Variants in GARNL3 observed in about 807,000 individuals in gnomAD.
GARNL3 encodes the protein GTPase-activating Rap/Ran-GAP domain-like protein 3.
In GARNL3, 63 loss-of-function variants were observed where a neutral mutation model predicts 125.0. The observed-to-expected ratio is 0.50, with a 90% CI of 0.41 to 0.62. The LOEUF (loss-of-function observed/expected upper bound fraction) is 0.62, where lower values mean the gene tolerates loss of function less well. GARNL3 is among the 20% of genes least tolerant of loss of function. GARNL3 has a pLI of 0.00. For missense variants in GARNL3, 994 were observed against 1,244.0 expected (o/e 0.80, Z 3.02); for synonymous variants, 439 against 457.5 (o/e 0.96, Z 0.52).
At chr9:127,346,777 C>T (rs992295389) in intron 16 of GARNL3, among the ~76,000 whole-genome samples, 1 of 152,174 alleles carries the variant, frequency 6.6e-6, no homozygotes, top group Non-Finnish European at 1.5e-5. Context: ...CCAGAGCCCC[C>T]TGCTGTTCCC....
chr9:127,236,459 A>G (rs150544346), intron 1 of GARNL3, among the ~76,000 whole-genome samples: 18 of 152,340 alleles, frequency 1.2e-4, no homozygotes, highest in African/African-American at 4.3e-4. Context: ...TGTTAGAAAT[A>G]GGGTCTCTAG....
intron 1 of GARNL3, among the ~76,000 whole-genome samples, chr9:127,233,449 GGGTT>G (rs2063055467): frequency 6.6e-6 from 1 of 152,022 alleles, no homozygotes; most frequent in South Asian, 2.1e-4. Context: ...AATTGATATT[GGGTT>G]GGTAGAAAAA....
intron 21 of GARNL3, among the ~76,000 whole-genome samples, chr9:127,359,221 G>A (rs1407711028): frequency 6.6e-6 from 1 of 152,150 alleles, no homozygotes; most frequent in Non-Finnish European, 1.5e-5. Flanking sequence ...CGGGCACAGT[G>A]GCTCACACCT....
intron 2 of GARNL3, among the ~76,000 whole-genome samples, chr9:127,294,556 C>A (rs1158061966): frequency 1.3e-5 from 2 of 152,214 alleles, no homozygotes; most frequent in Admixed American, 6.5e-5. Context: ...CCAGCCTTGG[C>A]CTCCCAACAT....
At chr9:127,263,638 G>A, upstream of GARNL3, 2 of 1,017,056 alleles carry the variant, frequency 2.0e-6, no homozygotes, top group Non-Finnish European at 2.4e-6. Flanking sequence ...CTTTTTTGGA[G>A]ATTTTTGGGT....
upstream of GARNL3, chr9:127,264,066 CTATATAATTTTAT>C: frequency 1.0e-6 from 1 of 972,600 alleles, no homozygotes; most frequent in East Asian, 2.7e-5. Context: ...CATGTTATTC[CTATATAATTTTAT>C]TTTCTATGTT....
intron 22 of GARNL3, among the ~76,000 whole-genome samples, chr9:127,378,173 A>G (rs1444694373): frequency 6.6e-6 from 1 of 151,576 alleles, no homozygotes; most frequent in Non-Finnish European, 1.5e-5. Context: ...CCAGGGAGGC[A>G]CAGGATGCAA....
chr9:127,385,033 C>A lies in GARNL3; in HGVS notation c.2276C>A (p.Ala759Asp). ...CACTCCCGTTCCCTTGCAGTCTGTG[C>A]TTTCCCGTATCTCCTGGCCTTCACC... ...WNQAPYAIVC[A>D]FPYLLAFTTD... The change falls in exon 24 of 28, where the codon GCT becomes GAT. Residue 759 changes from alanine to aspartate, a missense_variant. Around this residue, in one of 5 missense-constraint regions of GARNL3, gnomAD observed 728 missense variants for 865.7 expected, o/e 0.84. Transcript: ENST00000373387. The surrounding 1 kb of genome is among the most constrained non-coding windows in gnomAD (Gnocchi z 4.1). 1 of 1,606,482 alleles carries A rather than the reference C, an allele frequency of 6.2e-7. No individual in the cohort carries two copies. Among genetic ancestry groups the A allele is most frequent in the Non-Finnish European group, 8.5e-7 (1 of 1,175,236 alleles).
intron 6 of GARNL3, among the ~76,000 whole-genome samples, chr9:127,321,463 G>A (rs2065399310): frequency 6.6e-6 from 1 of 152,152 alleles, no homozygotes; most frequent in South Asian, 2.1e-4. Context: ...TACAAAACGT[G>A]GTCGATTGAG....
intron 26 of GARNL3, among the ~76,000 whole-genome samples, chr9:127,390,322 A>G (rs1281745936): frequency 6.6e-6 from 1 of 152,250 alleles, no homozygotes; most frequent in Non-Finnish European, 1.5e-5. Context: ...ACCACTGTTT[A>G]CAAACCACTG....
exon 2 of GARNL3, chr9:127,243,130 T>G: frequency 7.3e-7 from 1 of 1,365,446 alleles, no homozygotes; most frequent in South Asian, 1.1e-5. Flanking sequence ...CGAAGGTGCC[T>G]TGTGGGAGTC....
At chr9:127,373,987 CAG>C (rs1237526998) in intron 22 of GARNL3, among the ~76,000 whole-genome samples, 1 of 151,968 alleles carries the variant, frequency 6.6e-6, no homozygotes, top group Non-Finnish European at 1.5e-5. Flanking sequence ...GCCTGGGTGA[CAG>C]AGTGAGACTC....
intron 14 of GARNL3, among the ~76,000 whole-genome samples, chr9:127,343,709 C>T (rs1025005838): frequency 1.3e-5 from 2 of 152,216 alleles, no homozygotes; most frequent in African/African-American, 2.4e-5. Flanking sequence ...ATGCACTAGG[C>T]ACTGTGCGAA....
chr9:127,262,836 G>A (rs1281519660), upstream of GARNL3, among the ~76,000 whole-genome samples: 3 of 152,250 alleles, frequency 2.0e-5, no homozygotes, highest in African/African-American at 4.8e-5. Flanking sequence ...GGCCTTGGGA[G>A]GAGAACAAAG....
Position 127,326,938 on chromosome 9 carries a change from G to T in GARNL3, c.594+1843G>T, listed in dbSNP as rs368810006. ...GACCTCCCAGCCTCCAGAACTGTGA[G>T]AAATAAATTTCTGTTATTTTTAAGC... On this transcript the variant is annotated intron_variant, in intron 7 of 27. Transcript: ENST00000373387. Among the ~76,000 whole-genome samples, 36 of 152,226 alleles carry T rather than the reference G, an allele frequency of 2.4e-4. No homozygotes were observed. The East Asian group carries it at 5.8e-3, about 24-fold the overall frequency.
chr9:127,225,398 C>G (rs2062888973), intron 1 of GARNL3: 4 of 983,100 alleles, frequency 4.1e-6, no homozygotes, highest in Non-Finnish European at 4.8e-6. Context: ...GCTTCGAGAG[C>G]CCAAGGTACT....
chr9:127,325,315 T>C (rs2065535439), intron 7 of GARNL3, among the ~76,000 whole-genome samples: 1 of 152,196 alleles, frequency 6.6e-6, no homozygotes, highest in Admixed American at 6.5e-5. Flanking sequence ...ACAATCAAAC[T>C]ACTTAAATCT....
intron 2 of GARNL3, among the ~76,000 whole-genome samples, chr9:127,297,290 C>T (rs779017756): frequency 3.3e-5 from 5 of 152,054 alleles, no homozygotes; most frequent in Non-Finnish European, 5.9e-5. Context: ...AGGCGCAGGC[C>T]ACCACGTCTG....
chr9:127,360,085 A>G (rs868725020), intron 21 of GARNL3, among the ~76,000 whole-genome samples: 5 of 152,244 alleles, frequency 3.3e-5, no homozygotes, highest in Middle Eastern at 6.8e-3. Flanking sequence ...CAGTGGCGCA[A>G]TCTCGGCTCA....
Sources: gnomAD v4.1 joint callset for allele counts (sites outside exome capture counted in the v4.1 genomes callset) on GRCh38, gnomAD v4.1.1 for gene constraint, gnomAD v4.1.1 regional missense constraint, Gnocchi (gnomAD v3.1) non-coding constraint, MANE v1.5 for transcripts, NCBI Gene and HGNC (gene_info 2026-07-23, HGNC 2026-07-21) for gene names.